Variants in N4BP1 observed in about 807,000 individuals in gnomAD.
N4BP1 encodes NEDD4-binding protein 1.
Under a neutral mutation model 70.9 loss-of-function variants are expected in N4BP1, and 21 were observed. The ratio of observed to expected loss-of-function variants is 0.30; its 90% CI spans 0.21 to 0.43. The LOEUF is 0.43. Among genes scored for constraint, N4BP1 ranks in the 20% least tolerant of loss-of-function variants. The probability of loss-of-function intolerance (pLI) is 1.00; values close to 1 mark genes in which losing one functional copy is unlikely to be tolerated. For synonymous variants in N4BP1, 387 were observed against 394.6 expected (o/e 0.98, Z 0.23); for missense variants, 936 against 1,069.4 (o/e 0.88, Z 1.74).
Position 48,609,910 on chromosome 16 carries a change from C to T in N4BP1, c.63G>A (p.Glu21=). 1.4e-6 allele frequency: 2 copies of T among 1,454,618 alleles called. No individual in the cohort carries two copies. Among genetic ancestry groups the T allele is most frequent in the Non-Finnish European group, 1.8e-6 (2 of 1,101,636 alleles). The allele number at this position is 1,454,618 out of a possible 1,614,324, so 90.1% of individuals were successfully genotyped here. ...TAPAEKAELL[E]QSRGRIEGLF... is the part of the protein sequence containing the mutation. ...GGCCCTCGATACGGCCGCGGCTCTG[C>T]TCCAGCAGCTCCGCCTTCTCAGCTG... The change falls in exon 1 of 7, where the codon GAG becomes GAA. Residue 21 remains glutamate, a synonymous_variant. Transcript: ENST00000262384.
At chr16:48,564,089 A>G (rs1963902518) in intron 1 of N4BP1, among the ~76,000 whole-genome samples, 1 of 151,868 alleles carries the variant, frequency 6.6e-6, no homozygotes, top group South Asian at 2.1e-4. Flanking sequence ...TTGTTTTTTT[A>G]CTGTTGAGTT....
intron 1 of N4BP1, among the ~76,000 whole-genome samples, chr16:48,573,797 T>C (rs923203275): frequency 1.3e-5 from 2 of 152,204 alleles, no homozygotes; most frequent in African/African-American, 4.8e-5. Context: ...ATTTTGTATG[T>C]TGAATGTATT....
chr16:48,594,831 T>C (rs771087747), intron 1 of N4BP1, among the ~76,000 whole-genome samples: 10 of 152,252 alleles, frequency 6.6e-5, no homozygotes, highest in African/African-American at 9.6e-5. Flanking sequence ...TGTTAAATTA[T>C]TGTGTGCCAC....
chr16:48,555,864 T>C (rs1291394316), intron 2 of N4BP1, among the ~76,000 whole-genome samples: 5 of 152,218 alleles, frequency 3.3e-5, no homozygotes, highest in African/African-American at 4.8e-5. Flanking sequence ...TTGAGATAAC[T>C]GCACTGAAAA....
chr16:48,561,892 T>C lies in N4BP1; in HGVS notation c.751A>G (p.Met251Val), dbSNP rs1885262364. The C allele has an allele frequency of 2.5e-6, 4 of 1,613,940 alleles. No homozygotes were observed. The highest frequency in any genetic ancestry group is 3.4e-6 in the Non-Finnish European group (4 of 1,179,886). The change falls in exon 2 of 7, where the codon ATG becomes GTG. Residue 251 changes from methionine (M) to valine (V), a missense_variant. Physicochemically the swap from Met to Val is conservative, Grantham distance 21 (BLOSUM62 1). Around this residue, in one of 4 missense-constraint regions of N4BP1, gnomAD observed 515 missense variants for 491.7 expected, o/e 1.05. Coordinates refer to ENST00000262384, the MANE Select transcript of N4BP1 (RefSeq NM_153029.4). ...GTPVSELTKQ[M>V]DTVLSSSPDV... ...GGTGAGCTAGAAAGGACTGTGTCCA[T>C]TTGTTTTGTAAGCTCAGAAACAGGA...
chr16:48,561,522 G>A lies in N4BP1; in HGVS notation c.1121C>T (p.Ser374Phe). ...VEKVIKVYGP[S>F]TEPLLLLEEI... ...CTCTAAGAGCAATAATGGTTCAGTA[G>A]ATGGTCCATACACCTTAATGACCTT... The change falls in exon 2 of 7, where the codon TCT (serine) becomes TTT (phenylalanine). Residue 374 changes from serine to phenylalanine, a missense_variant. Ser to Phe is a radical substitution (Grantham distance 155, BLOSUM62 -2). Transcript: ENST00000262384. 1 of 1,613,648 alleles carries A rather than the reference G, an allele frequency of 6.2e-7. No homozygotes were observed. Among genetic ancestry groups the A allele is most frequent in the East Asian group, 2.2e-5 (1 of 44,872 alleles).
intron 1 of N4BP1, among the ~76,000 whole-genome samples, chr16:48,569,863 C>T (rs144518969): frequency 2.2e-4 from 33 of 152,292 alleles, no homozygotes; most frequent in East Asian, 1.4e-3. Flanking sequence ...TGAACAACTT[C>T]GTGGCTCACT....
In N4BP1 at chr16:48,557,863, T is replaced by G. The variant is rs1022729745; in HGVS notation, c.1889+2891A>C. Among the ~76,000 whole-genome samples, 8 of 152,212 alleles carry G rather than the reference T, an allele frequency of 5.3e-5. 1 individual carries two copies. The highest frequency in any genetic ancestry group is 5.2e-4 in the Admixed American group (8 of 15,284). On this transcript the variant is annotated intron_variant, in intron 2 of 6. Transcript: ENST00000262384. ...ACTATGGGTATTAGAGGTAGTTCACTGAACAGAAGAAACACAAATCAGTTT... is the reference window on the plus strand; with the variant it reads ...ACTATGGGTATTAGAGGTAGTTCACGGAACAGAAGAAACACAAATCAGTTT...
intron 1 of N4BP1, among the ~76,000 whole-genome samples, chr16:48,565,773 G>A (rs562904281): frequency 6.6e-6 from 1 of 152,268 alleles, no homozygotes; most frequent in African/African-American, 2.4e-5. Context: ...TTCTTTTATA[G>A]GGGTTCAAAA....
At chr16:48,606,520 G>A (rs1964584411) in intron 1 of N4BP1, among the ~76,000 whole-genome samples, 1 of 152,172 alleles carries the variant, frequency 6.6e-6, no homozygotes, top group Admixed American at 6.5e-5. Context: ...TGGAAGGTCA[G>A]GTACCTGGGA....
At chr16:48,567,450 T>C (rs1963960038) in intron 1 of N4BP1, among the ~76,000 whole-genome samples, 1 of 152,106 alleles carries the variant, frequency 6.6e-6, no homozygotes, top group African/African-American at 2.4e-5. Flanking sequence ...CCTGAGTAGC[T>C]GGGATTACAG....
chr16:48,561,183 G>A lies in N4BP1; in HGVS notation c.1460C>T (p.Pro487Leu). 2 of 1,613,998 alleles carry A rather than the reference G, an allele frequency of 1.2e-6. No homozygotes were observed. The highest frequency in any genetic ancestry group is 1.7e-6 in the Non-Finnish European group (2 of 1,179,892). ...AGAAGGTGAAAGGCCATCAGTTTCA[G>A]GGTCTGTGTTACAAATGTAGTTCTG... ...SNQNYICNTD[P>L]ETDGLSPSVA... Residue 487 changes from proline (P) to leucine (L), a missense_variant, in exon 2 of 7, where the codon CCT (proline) becomes CTT (leucine). By Grantham distance (98) the Pro-to-Leu change is moderately conservative. This residue lies in a region of N4BP1 where 515 missense variants were observed against 491.7 expected (regional missense o/e 1.05). Transcript: ENST00000262384.
chr16:48,569,237 G>A (rs1003944356), intron 1 of N4BP1, among the ~76,000 whole-genome samples: 6 of 152,152 alleles, frequency 3.9e-5, no homozygotes, highest in South Asian at 2.1e-4. Flanking sequence ...GCAAAATTAC[G>A]TTTTGAAACC....
At chr16:48,608,057 T>C (rs1258647596) in intron 1 of N4BP1, among the ~76,000 whole-genome samples, 14 of 152,318 alleles carry the variant, frequency 9.2e-5, no homozygotes, top group Admixed American at 7.2e-4. Flanking sequence ...GAGATGCCAC[T>C]GCACTCCAGT....
intron 1 of N4BP1, chr16:48,600,776 C>A (rs1964484140): frequency 3.6e-6 from 1 of 280,550 alleles, no homozygotes; most frequent in East Asian, 9.2e-5. Flanking sequence ...CTTTCCTACA[C>A]TGCCATCTAC....
intron 1 of N4BP1, among the ~76,000 whole-genome samples, chr16:48,598,824 T>C (rs528715760): frequency 1.2e-4 from 19 of 152,224 alleles, no homozygotes; most frequent in Non-Finnish European, 2.6e-4. Context: ...CTCCTTGATA[T>C]AGGAGTCCTA....
chr16:48,594,795 C>T (rs957373976), intron 1 of N4BP1, among the ~76,000 whole-genome samples: 1 of 152,168 alleles, frequency 6.6e-6, no homozygotes, highest in Non-Finnish European at 1.5e-5. Context: ...ATATGCCTCA[C>T]TATATGTTAT....
chr16:48,576,755 G>A (rs1364988428), intron 1 of N4BP1, among the ~76,000 whole-genome samples: 6 of 152,002 alleles, frequency 3.9e-5, no homozygotes, highest in Admixed American at 3.9e-4. Flanking sequence ...TTTGCATTCT[G>A]CCTTATCTCA....
intron 2 of N4BP1, among the ~76,000 whole-genome samples, chr16:48,556,509 G>A (rs1374813933): frequency 1.3e-5 from 2 of 152,158 alleles, no homozygotes; most frequent in African/African-American, 4.8e-5. Flanking sequence ...CCAAAGCTCT[G>A]GGGCTCCCAG....
Sources: gnomAD v4.1 joint callset for allele counts (sites outside exome capture counted in the v4.1 genomes callset) on GRCh38, gnomAD v4.1.1 for gene constraint, gnomAD v4.1.1 regional missense constraint, MANE v1.5 for transcripts, NCBI Gene and HGNC (gene_info 2026-07-23, HGNC 2026-07-21) for gene names.